DEPDC5: variants seen among roughly 807,000 people sequenced by gnomAD.
The protein encoded by DEPDC5 is GATOR1 complex protein DEPDC5.
DEPDC5 carries 73 observed loss-of-function variants against 217.3 expected under a neutral mutation model. The observed-to-expected ratio is 0.34, with a 90% CI of 0.28 to 0.41. The LOEUF is 0.41. Among genes scored for constraint, DEPDC5 ranks in the 10% least tolerant of loss-of-function variants. The probability of loss-of-function intolerance (pLI) is 1.00; values close to 1 mark genes in which losing one functional copy is unlikely to be tolerated. For synonymous variants in DEPDC5, 733 were observed against 756.7 expected (o/e 0.97, Z 0.51); for missense variants, 1,675 against 2,070.1 (o/e 0.81, Z 3.70).
rs1335760559 is a variant in DEPDC5, at chr22:31,864,526, T to TATATATATA, written c.3330+3093_3330+3094insATATATATA. On this transcript the variant is annotated intron_variant, in intron 33 of 42. Coordinates refer to ENST00000651528, the MANE Select transcript of DEPDC5 (RefSeq NM_001242896.3). ...AATATATATATATATATATATATAT[T>TATATATATA]TATATATTTATTTATTTACTGTGTG... Among the ~76,000 whole-genome samples the TATATATATA allele has an allele frequency of 8.8e-3, 1,031 of 117,464 alleles. 12 individuals carry two copies. The highest frequency in any genetic ancestry group is 0.011 in the East Asian group (50 of 4,372). 77.1% of individuals were successfully genotyped at this position (117,464 alleles called of 152,430 possible).
intron 8 of DEPDC5, among the ~76,000 whole-genome samples, chr22:31,782,030 C>G (rs1308833306): frequency 6.6e-6 from 1 of 151,944 alleles, no homozygotes; most frequent in East Asian, 1.9e-4. Flanking sequence ...GACCTTGTCT[C>G]TATGAACAGA....
intron 38 of DEPDC5, among the ~76,000 whole-genome samples, chr22:31,889,223 C>A (rs1041667668): frequency 2.6e-5 from 4 of 152,206 alleles, no homozygotes; most frequent in Non-Finnish European, 5.9e-5. Context: ...ATGGAACTCA[C>A]GTAATGATTC....
At chr22:31,764,861 C>T (rs2082681719) in intron 4 of DEPDC5, 114 bp from the exon 5 acceptor site, 7 of 717,948 alleles carry the variant, frequency 9.8e-6, no homozygotes, top group Non-Finnish European at 1.7e-5. Context: ...CTGTGTGTTG[C>T]CCGTGTCAGA....
chr22:31,874,417 A>G lies in DEPDC5; in HGVS notation c.3696+12A>G. 3 of 1,607,792 alleles carry G rather than the reference A, an allele frequency of 1.9e-6. No individual in the cohort carries two copies. Among genetic ancestry groups the G allele is most frequent in the Non-Finnish European group, 2.5e-6 (3 of 1,177,190 alleles). Reference sequence around the variant, plus strand: ...TTGACATCATGCAGGTGAGACAGCAAGAGGGGCCCATAGAGCTGTTTGCTT... The same window carrying G: ...TTGACATCATGCAGGTGAGACAGCAGGAGGGGCCCATAGAGCTGTTTGCTT... On this transcript the variant is annotated intron_variant, in intron 36 of 42. Coordinates refer to ENST00000651528, the MANE Select transcript of DEPDC5 (RefSeq NM_001242896.3).
intron 24 of DEPDC5, among the ~76,000 whole-genome samples, chr22:31,833,360 G>A (rs1039831330): frequency 6.6e-6 from 1 of 152,134 alleles, no homozygotes; most frequent in African/African-American, 2.4e-5. Flanking sequence ...TTGTTTTTAT[G>A]TTAAAGTAGT....
rs2091079362 is a variant in DEPDC5, at chr22:31,837,294, T to A, written c.2354+139T>A. 4 of 799,086 alleles carry A rather than the reference T, an allele frequency of 5.0e-6. No individual in the cohort carries two copies. In the Admixed American group the frequency reaches 1.0e-4, roughly 20 times the overall value. The allele number at this position is 799,086 out of a possible 1,614,324, so 49.5% of individuals were successfully genotyped here. A position where few individuals can be genotyped will look rare whatever the true frequency, so the allele number is the denominator to read the frequency against. ...TGGAACGATATAGAGGAGATTAGCA[T>A]GGCCGTTAAATAAAAAATTTTAAAA... On this transcript the variant is annotated intron_variant, in intron 26 of 42. Coordinates refer to ENST00000651528, the MANE Select transcript of DEPDC5 (RefSeq NM_001242896.3).
At chr22:31,840,759 G>A (rs1292098188) in intron 27 of DEPDC5, among the ~76,000 whole-genome samples, 1 of 152,122 alleles carries the variant, frequency 6.6e-6, no homozygotes. Context: ...TGGAAAAGTT[G>A]CCATCACAAC....
At chr22:31,789,046 G>A (rs933129985) in intron 10 of DEPDC5, among the ~76,000 whole-genome samples, 14 of 151,522 alleles carry the variant, frequency 9.2e-5, no homozygotes, top group African/African-American at 2.4e-4. Flanking sequence ...ATAGGTGTGC[G>A]CCACCTTACC....
chr22:31,782,154 T>G (rs1267217091), intron 8 of DEPDC5, among the ~76,000 whole-genome samples: 1 of 151,928 alleles, frequency 6.6e-6, no homozygotes, highest in Admixed American at 6.6e-5. Flanking sequence ...TTTTTTTTTT[T>G]TGAGGTGGAG....
At position 31,837,129 on chromosome 22, in the gene DEPDC5, T is replaced by C; in HGVS notation, c.2328T>C (p.Asp776=). The change falls in exon 26 of 43, where the codon GAT becomes GAC. Residue 776 remains aspartate, a synonymous_variant. Transcript: ENST00000651528. The part of the protein sequence containing the change: ...LQNDYTEGCY[D]LLPEADIDRR... ...ATGACTACACAGAGGGCTGTTATGA[T>C]CTCCTTCCAGAAGCAGACATCGACA... 1 of 1,614,028 alleles carries C rather than the reference T, an allele frequency of 6.2e-7. No homozygotes were observed. Among genetic ancestry groups the C allele is most frequent in the South Asian group, 1.1e-5 (1 of 91,080 alleles).
At chr22:31,844,277 C>T (rs2091578985) in intron 29 of DEPDC5, among the ~76,000 whole-genome samples, 1 of 151,916 alleles carries the variant, frequency 6.6e-6, no homozygotes, top group South Asian at 2.1e-4. Flanking sequence ...GTGACATACC[C>T]CTATAGTCCT....
intron 33 of DEPDC5, among the ~76,000 whole-genome samples, chr22:31,869,050 C>T (rs1016156995): frequency 1.3e-5 from 2 of 151,696 alleles, no homozygotes; most frequent in African/African-American, 2.4e-5. Context: ...TGAGATCAGC[C>T]GAGGCAACAT....
At chr22:31,788,729 A>C (rs1174722692) in intron 10 of DEPDC5, among the ~76,000 whole-genome samples, 1 of 151,006 alleles carries the variant, frequency 6.6e-6, no homozygotes, top group African/African-American at 2.4e-5. Context: ...GCCCACCACC[A>C]CGCCCATCTA....
rs1352307938 is a variant in DEPDC5 at position 31,798,985 on chromosome 22, A to T, written c.946+329A>T. Among the ~76,000 whole-genome samples, 3 of 152,108 alleles carry T rather than the reference A, an allele frequency of 2.0e-5. No homozygotes were observed. The East Asian group carries it at 5.8e-4, about 29-fold the overall frequency. ...AAGCACTCATGACAAAGGATTGTTC[A>T]TCTTTGTGTAACTGCTGTCTTTCTC... On this transcript the variant is annotated intron_variant, in intron 14 of 42. Transcript: ENST00000651528.
At chr22:31,767,147 T>G (rs1337186909) in intron 6 of DEPDC5, among the ~76,000 whole-genome samples, 2 of 151,618 alleles carry the variant, frequency 1.3e-5, no homozygotes, top group African/African-American at 4.8e-5. Flanking sequence ...ATTCATTGTT[T>G]TTTTTTTTTT....
At chr22:31,773,776 G>A (rs1178988379) in intron 7 of DEPDC5, among the ~76,000 whole-genome samples, 2 of 152,248 alleles carry the variant, frequency 1.3e-5, no homozygotes, top group South Asian at 2.1e-4. Flanking sequence ...TAGTTACATA[G>A]TTAAGAACAC....
chr22:31,816,064 C>A, intron 21 of DEPDC5: 3 of 974,314 alleles, frequency 3.1e-6, no homozygotes, highest in Non-Finnish European at 3.7e-6. Flanking sequence ...CTTTGGGAGG[C>A]CAAGGCGGGT....
In DEPDC5 at chr22:31,845,249, T is replaced by C. The variant is rs2091657819; in HGVS notation, c.3021+12T>C. The C allele has an allele frequency of 6.2e-7, 1 of 1,610,192 alleles. No homozygotes were observed. Among genetic ancestry groups the C allele is most frequent in the African/African-American group, 1.3e-5 (1 of 74,960 alleles). Reference sequence around the variant, plus strand: ...ATCGCATGATGCGGGTAAGGGCTCCTTAGACTCAGGGAGTGCGCCTGGTGT... The same window carrying C: ...ATCGCATGATGCGGGTAAGGGCTCCCTAGACTCAGGGAGTGCGCCTGGTGT... On this transcript the variant is annotated intron_variant, in intron 30 of 42. Transcript: ENST00000651528.
chr22:31,882,710 G>A (rs1016097943), intron 38 of DEPDC5, among the ~76,000 whole-genome samples: 2 of 152,048 alleles, frequency 1.3e-5, no homozygotes, highest in African/African-American at 4.8e-5. Flanking sequence ...ATCTTTTAAG[G>A]TGGGAAGTAA....
Sources: allele counts gnomAD v4.1 joint callset (sites outside exome capture counted in the v4.1 genomes callset), GRCh38; gene constraint gnomAD v4.1.1; transcripts MANE v1.5; gene names NCBI Gene and HGNC (gene_info 2026-07-23, HGNC 2026-07-21).